The following POLR1A variants were observed in gnomAD, a reference collection of about 807,000 sequenced individuals.
POLR1A encodes DNA-directed RNA polymerase I subunit RPA1.
Under a neutral mutation model 205.3 loss-of-function variants are expected in POLR1A, and 84 were observed. The ratio of observed to expected loss-of-function variants is 0.41; its 90% CI spans 0.34 to 0.49. POLR1A has a LOEUF of 0.49. Among genes scored for constraint, POLR1A ranks in the 20% least tolerant of loss-of-function variants. The pLI is 0.22. For missense variants in POLR1A, 1,645 were observed against 2,204.5 expected, an observed-to-expected ratio of 0.75 and a Z score of 5.08; for synonymous variants, 799 against 863.7, an observed-to-expected ratio of 0.93 and a Z score of 1.31.
chr2:86,105,346 A>G (rs1209742990), intron 1 of POLR1A, among the ~76,000 whole-genome samples: 1 of 152,202 alleles, frequency 6.6e-6, no homozygotes, highest in African/African-American at 2.4e-5. Flanking sequence ...TTTACAAACA[A>G]GAGGAAACTT....
chr2:86,067,459 A>G (rs899963568), intron 13 of POLR1A, among the ~76,000 whole-genome samples: 4 of 152,212 alleles, frequency 2.6e-5, no homozygotes, highest in Admixed American at 2.0e-4. Flanking sequence ...TAGTCCAAAA[A>G]GTAACACATA....
chr2:86,102,508 T>C (rs1673840200), intron 1 of POLR1A, among the ~76,000 whole-genome samples: 1 of 152,258 alleles, frequency 6.6e-6, no homozygotes, highest in Admixed American at 6.5e-5. Context: ...CTTTTTATGT[T>C]CTAGATATCA....
chr2:86,092,421 G>C (rs959416192), intron 3 of POLR1A, among the ~76,000 whole-genome samples: 3 of 152,260 alleles, frequency 2.0e-5, no homozygotes, highest in African/African-American at 7.2e-5. Context: ...GTCATGTGGG[G>C]AGCCAAAGAC....
intron 14 of POLR1A, among the ~76,000 whole-genome samples, chr2:86,058,370 A>G (rs1672936796): frequency 7.2e-6 from 1 of 139,474 alleles, no homozygotes; most frequent in Non-Finnish European, 1.5e-5. Flanking sequence ...AAGTGCTGGG[A>G]TTACAGGTGT....
At position 86,028,737 on chromosome 2, in the gene POLR1A, T is replaced by G. The variant is rs751859795; in HGVS notation, c.4780-26A>C. 3 of 1,559,638 alleles carry G rather than the reference T, an allele frequency of 1.9e-6. No individual in the cohort carries two copies. The South Asian group carries it at 3.3e-5, about 17-fold the overall frequency. On this transcript the variant is annotated intron_variant, in intron 31 of 33. Transcript: ENST00000263857. This position sits in a 1 kb window ranked among gnomAD's most constrained non-coding sequence, Gnocchi z 4.5. Reference sequence around the variant, plus strand: ...CTGGAGAGAGGAAGGAAGGGATTTATTTAGAGGGCCTGGCCTTCTGCTCCC... The same window carrying G: ...CTGGAGAGAGGAAGGAAGGGATTTAGTTAGAGGGCCTGGCCTTCTGCTCCC...
chr2:86,045,908 T>C, intron 19 of POLR1A, 139 bp from the exon 20 acceptor site: 1 of 673,088 alleles, frequency 1.5e-6, no homozygotes, highest in Non-Finnish European at 2.5e-6. Flanking sequence ...CCTACATTTC[T>C]AAACAAACCA....
intron 22 of POLR1A, 30 bp downstream of exon 22, chr2:86,044,109 G>C: frequency 2.5e-6 from 4 of 1,611,102 alleles, no homozygotes; most frequent in Non-Finnish European, 3.4e-6. Context: ...CTACTGCTCG[G>C]CCCCCAGGCT....
intron 3 of POLR1A, among the ~76,000 whole-genome samples, chr2:86,093,928 C>T (rs1490816344): frequency 1.2e-4 from 18 of 152,186 alleles, no homozygotes; most frequent in Admixed American, 1.2e-3. Context: ...TAGTCTTTAA[C>T]TTTAGTCATT....
intron 3 of POLR1A, among the ~76,000 whole-genome samples, chr2:86,090,315 G>A (rs1673578479): frequency 6.6e-6 from 1 of 151,034 alleles, no homozygotes; most frequent in Non-Finnish European, 1.5e-5. Context: ...AGATCGCTGG[G>A]AGGGGAATGT....
intron 4 of POLR1A, among the ~76,000 whole-genome samples, chr2:86,089,455 T>C (rs1443206557): frequency 6.6e-6 from 1 of 152,216 alleles, no homozygotes; most frequent in African/African-American, 2.4e-5. Flanking sequence ...CATTCATTCG[T>C]TGAACAAATT....
chr2:86,042,021 A>G lies in POLR1A; in HGVS notation c.3440T>C (p.Leu1147Pro). 6.2e-7 allele frequency: 1 copy of G among 1,614,050 alleles called. No homozygotes were observed. The highest frequency in any genetic ancestry group is 8.5e-7 in the Non-Finnish European group (1 of 1,179,958). The change falls in exon 24 of 34, where the codon CTG becomes CCG. Residue 1147 changes from leucine (L) to proline (P), a missense_variant. This residue lies in a region of POLR1A where 201 missense variants were observed against 222.3 expected (regional missense o/e 0.90). Coordinates refer to ENST00000263857, the MANE Select transcript of POLR1A (RefSeq NM_015425.6). ...KKAAACPDPS[L>P]SVWRPDIYFA... ...GTAGATGTCAGGACGCCAGACAGAC[A>G]GACTGGGGTCAGGACAAGCGGCCGC...
chr2:86,073,703 C>T (rs1673222069), intron 12 of POLR1A, among the ~76,000 whole-genome samples: 1 of 152,212 alleles, frequency 6.6e-6, no homozygotes, highest in African/African-American at 2.4e-5. Context: ...TAGTGGTTCC[C>T]CCACCATGCT....
intron 1 of POLR1A, among the ~76,000 whole-genome samples, chr2:86,104,911 G>T (rs115341190): frequency 6.6e-6 from 1 of 152,234 alleles, no homozygotes; most frequent in Admixed American, 6.5e-5. Flanking sequence ...TATAAATCAT[G>T]AAAGTGGTGA....
At chr2:86,059,648 C>T (rs1240718694) in intron 14 of POLR1A, among the ~76,000 whole-genome samples, 1 of 152,216 alleles carries the variant, frequency 6.6e-6, no homozygotes, top group East Asian at 1.9e-4. Flanking sequence ...TCAATGCAAC[C>T]TCTGCCTCCC....
intron 16 of POLR1A, 120 bp downstream of exon 16, chr2:86,052,697 G>C: frequency 1.3e-6 from 1 of 773,796 alleles, no homozygotes; most frequent in South Asian, 2.3e-5. Context: ...TCTCCACTGG[G>C]AACACACAGA....
intron 14 of POLR1A, among the ~76,000 whole-genome samples, chr2:86,056,123 C>T (rs1672892568): frequency 6.6e-6 from 1 of 152,074 alleles, no homozygotes; most frequent in Non-Finnish European, 1.5e-5. Flanking sequence ...TTCTCTTTCT[C>T]TATATTAGCA....
At chr2:86,044,472 C>T (rs771319859) in intron 21 of POLR1A, 168 bp from the exon 22 acceptor site, 4 of 649,830 alleles carry the variant, frequency 6.2e-6, no homozygotes, top group Non-Finnish European at 1.0e-5. Flanking sequence ...GGGCTTGCTC[C>T]AGTGTCCCCC....
intron 11 of POLR1A, 49 bp from the exon 12 acceptor site, chr2:86,075,309 G>A (rs747351440): frequency 7.5e-7 from 1 of 1,333,762 alleles, no homozygotes; most frequent in Non-Finnish European, 1.1e-6. Flanking sequence ...ATAAAAAAAG[G>A]TCTGATGGAC....
rs1672757327 is a variant in POLR1A, at chr2:86,049,165, G to T, written c.2470C>A (p.Pro824Thr). The change falls in exon 17 of 34, where the codon CCC (proline) becomes ACC (threonine). Residue 824 changes from proline to threonine, a missense_variant. Transcript: ENST00000263857. The stretch of plus-strand genomic sequence containing the variant: ...GCCTCGAAGTCCCTCCTTACCTGGG[G>T]CCCGCAGTGGGTGGATTCTTCAATG... ...RIIEESTHCG[P>T]QAVRAALNLP... 6.2e-7 allele frequency: 1 copy of T among 1,613,128 alleles called. No homozygotes were observed. The highest frequency in any genetic ancestry group is 2.2e-5 in the East Asian group (1 of 44,900).
Sources: gnomAD v4.1 joint callset for allele counts (sites outside exome capture counted in the v4.1 genomes callset) on GRCh38, gnomAD v4.1.1 for gene constraint, gnomAD v4.1.1 regional missense constraint, Gnocchi (gnomAD v3.1) non-coding constraint, MANE v1.5 for transcripts, NCBI Gene and HGNC (gene_info 2026-07-23, HGNC 2026-07-21) for gene names.